MLLT3: variants seen among roughly 807,000 people sequenced by gnomAD.
MLLT3 encodes protein AF-9.
In MLLT3, 4 loss-of-function variants were observed where a neutral mutation model predicts 53.2. That is an observed-to-expected ratio of 0.08 (90% confidence interval 0.04 to 0.17). MLLT3 has a LOEUF of 0.17. Ranked by LOEUF, MLLT3 falls within the 10% of genes least tolerant of loss-of-function variation. MLLT3 has a pLI of 1.00. For synonymous variants in MLLT3, 283 were observed against 230.6 expected (o/e 1.23, Z -2.06); for missense variants, 569 against 684.0 (o/e 0.83, Z 1.87).
At chr9:20,388,859 G>A (rs1822111295) in intron 5 of MLLT3, among the ~76,000 whole-genome samples, 1 of 152,118 alleles carries the variant, frequency 6.6e-6, no homozygotes, top group African/African-American at 2.4e-5. Context: ...GACCTAACGT[G>A]ACATTCCAGT....
chr9:20,467,993 C>T (rs376721226), intron 2 of MLLT3, among the ~76,000 whole-genome samples: 1 of 152,102 alleles, frequency 6.6e-6, no homozygotes, highest in South Asian at 2.1e-4. Flanking sequence ...GTTTAGTGGT[C>T]GAGAGCCAGA....
intron 2 of MLLT3, among the ~76,000 whole-genome samples, chr9:20,603,484 C>G (rs1382995281): frequency 6.6e-6 from 1 of 152,082 alleles, no homozygotes; most frequent in East Asian, 1.9e-4. Context: ...CAACAAAATT[C>G]TCAATGTGAG....
intron 2 of MLLT3, among the ~76,000 whole-genome samples, chr9:20,575,753 C>T (rs1819637389): frequency 6.6e-6 from 1 of 152,170 alleles, no homozygotes; most frequent in South Asian, 2.1e-4. Flanking sequence ...GATGTGCTGT[C>T]ATCCAGGCTT....
chr9:20,412,256 C>A (rs1393010186), intron 5 of MLLT3, among the ~76,000 whole-genome samples: 1 of 152,076 alleles, frequency 6.6e-6, no homozygotes, highest in Non-Finnish European at 1.5e-5. Context: ...TAAGAATAAG[C>A]TTCAAGTTAA....
chr9:20,402,258 G>C (rs917057673), intron 5 of MLLT3, among the ~76,000 whole-genome samples: 4 of 152,190 alleles, frequency 2.6e-5, no homozygotes, highest in African/African-American at 9.6e-5. Context: ...GTAGTTTTAA[G>C]AACAGTTTCA....
At chr9:20,586,092 AGT>A (rs1170706001) in intron 2 of MLLT3, among the ~76,000 whole-genome samples, 1 of 152,132 alleles carries the variant, frequency 6.6e-6, no homozygotes, top group African/African-American at 2.4e-5. Flanking sequence ...CCAAGATGGG[AGT>A]ATCACTTGCA....
intron 5 of MLLT3, among the ~76,000 whole-genome samples, chr9:20,369,510 C>A (rs1821540274): frequency 1.3e-5 from 2 of 152,144 alleles, no homozygotes; most frequent in African/African-American, 4.8e-5. Context: ...GAAGCATGTA[C>A]AACCATGTTG....
At chr9:20,511,514 C>T (rs142758493) in intron 2 of MLLT3, among the ~76,000 whole-genome samples, 32 of 152,160 alleles carry the variant, frequency 2.1e-4, no homozygotes, top group Non-Finnish European at 2.9e-5. Context: ...CAGTGAATTA[C>T]ATTATAAGAT....
At chr9:20,528,336 T>C (rs899341733) in intron 2 of MLLT3, among the ~76,000 whole-genome samples, 2 of 152,256 alleles carry the variant, frequency 1.3e-5, no homozygotes, top group African/African-American at 2.4e-5. Flanking sequence ...CACAAATATA[T>C]ACTGCTGTGT....
intron 2 of MLLT3, among the ~76,000 whole-genome samples, chr9:20,514,071 G>T (rs914793575): frequency 2.0e-4 from 30 of 152,050 alleles, no homozygotes; most frequent in Non-Finnish European, 2.1e-4. Context: ...GGGAGTAAGG[G>T]GTTGACTGAT....
intron 5 of MLLT3, among the ~76,000 whole-genome samples, chr9:20,402,862 T>C (rs1033326693): frequency 2.0e-5 from 3 of 152,180 alleles, no homozygotes; most frequent in Non-Finnish European, 2.9e-5. Context: ...ATATGGGATA[T>C]GAGGTTCATT....
intron 2 of MLLT3, among the ~76,000 whole-genome samples, chr9:20,549,471 C>T (rs1029048774): frequency 8.3e-6 from 1 of 120,632 alleles, no homozygotes; most frequent in Non-Finnish European, 1.8e-5. Flanking sequence ...TTACTCCGTG[C>T]CAGGAACTGT....
chr9:20,471,859 T>C (rs1824402842), intron 2 of MLLT3, among the ~76,000 whole-genome samples: 1 of 150,348 alleles, frequency 6.7e-6, no homozygotes, highest in Admixed American at 6.6e-5. Context: ...GATAGAAAAC[T>C]CTAGTAGGAT....
intron 2 of MLLT3, among the ~76,000 whole-genome samples, chr9:20,591,921 A>G (rs1234712478): frequency 2.6e-5 from 4 of 152,314 alleles, no homozygotes; most frequent in South Asian, 4.1e-4. Flanking sequence ...GTCACTCAGG[A>G]GGCTGAGGTG....
intron 10 of MLLT3, 142 bp from the exon 11 acceptor site, chr9:20,346,716 G>T: frequency 1.3e-6 from 1 of 744,758 alleles, no homozygotes; most frequent in Non-Finnish European, 2.1e-6. Flanking sequence ...ACCATGAATA[G>T]CATTAAACTG....
rs1377636636 is a variant in MLLT3 at position 20,620,384 on chromosome 9, C to T, written c.193+270G>A. On this transcript the variant is annotated intron_variant, in intron 2 of 10. Coordinates refer to ENST00000380338, the MANE Select transcript of MLLT3 (RefSeq NM_004529.4). The surrounding 1 kb of genome is among the most constrained non-coding windows in gnomAD (Gnocchi z 6.1). Reference sequence around the variant, plus strand: ...CTTCCCCACAGAACCCGCGGCTAACCCCAGAGGACTGGTGAGGGCTGGCTT... The same window carrying T: ...CTTCCCCACAGAACCCGCGGCTAACTCCAGAGGACTGGTGAGGGCTGGCTT... Among the ~76,000 whole-genome samples, 1 of 151,888 alleles carries T rather than the reference C, an allele frequency of 6.6e-6. No homozygotes were observed. The highest frequency in any genetic ancestry group is 1.9e-4 in the East Asian group (1 of 5,136).
chr9:20,388,767 A>G (rs1487488196), intron 5 of MLLT3, among the ~76,000 whole-genome samples: 1 of 152,176 alleles, frequency 6.6e-6, no homozygotes, highest in East Asian at 1.9e-4. Flanking sequence ...AAAAAGAGTG[A>G]TGTCACCAAG....
At chr9:20,616,085 G>A (rs980199275) in intron 2 of MLLT3, among the ~76,000 whole-genome samples, 6 of 151,978 alleles carry the variant, frequency 3.9e-5, no homozygotes, top group Admixed American at 1.3e-4. Flanking sequence ...AACTCTATGC[G>A]TTCTTCAATT....
intron 2 of MLLT3, among the ~76,000 whole-genome samples, chr9:20,561,400 A>C (rs1399369985): frequency 2.0e-5 from 3 of 152,198 alleles, no homozygotes; most frequent in African/African-American, 7.2e-5. Context: ...CGTGTAATTA[A>C]AACTTTTCTG....
Sources: gnomAD v4.1 joint callset for allele counts (sites outside exome capture counted in the v4.1 genomes callset) on GRCh38, gnomAD v4.1.1 for gene constraint, Gnocchi (gnomAD v3.1) non-coding constraint, MANE v1.5 for transcripts, NCBI Gene and HGNC (gene_info 2026-07-23, HGNC 2026-07-21) for gene names.